The following TMC4 variants were observed in gnomAD, a reference collection of about 807,000 sequenced individuals.
TMC4 encodes the protein voltage-gated chloride channel TMC4.
Under a neutral mutation model 82.0 loss-of-function variants are expected in TMC4, and 70 were observed. The observed-to-expected ratio is 0.85, with a 90% CI of 0.70 to 1.04. The LOEUF is 1.04. Among genes scored for constraint, TMC4 ranks in the 50% least tolerant of loss-of-function variants. The pLI, the probability that TMC4 is intolerant of heterozygous loss-of-function variation, is 0.00. For synonymous variants in TMC4, 446 were observed against 406.0 expected (o/e 1.10, Z -1.18); for missense variants, 879 against 899.0 (o/e 0.98, Z 0.28).
intron 9 of TMC4, 108 bp downstream of exon 9, chr19:54,162,925 C>A: frequency 1.3e-6 from 2 of 1,575,928 alleles, no homozygotes; most frequent in Non-Finnish European, 1.7e-6. Flanking sequence ...GGAGAGTGTT[C>A]CAGCACCCCA....
At chr19:54,164,800 G>A (rs557192946) in intron 6 of TMC4, 199 bp from the exon 7 acceptor site, 29 of 683,472 alleles carry the variant, frequency 4.2e-5, no homozygotes, top group Middle Eastern at 4.0e-4. Context: ...CTTCGCGGCC[G>A]GATCCAGCAA....
Position 54,168,620 on chromosome 19 carries a change from T to C in TMC4, c.503A>G (p.Asn168Ser). The change falls in exon 4 of 15, where the codon AAC (asparagine) becomes AGC (serine). Residue 168 changes from asparagine (N) to serine (S), a missense_variant. By Grantham distance (46) the Asn-to-Ser change is conservative. Transcript: ENST00000619895. Reference sequence around the variant, plus strand: ...GGCCATGAGCACAGAGGCCAGCACGTTAAGAAGGAGCAGGAAGCGCAGCAG... The same window carrying C: ...GGCCATGAGCACAGAGGCCAGCACGCTAAGAAGGAGCAGGAAGCGCAGCAG... The part of the protein sequence containing the change: ...FSLLRFLLLL[N>S]VLASVLMACM... 6.3e-7 allele frequency: 1 copy of C among 1,595,248 alleles called. No individual in the cohort carries two copies. The highest frequency in any genetic ancestry group is 8.5e-7 in the Non-Finnish European group (1 of 1,171,216).
At chr19:54,160,602 G>A in intron 13 of TMC4, 57 bp from the exon 14 acceptor site, 4 of 1,611,746 alleles carry the variant, frequency 2.5e-6, no homozygotes, top group Non-Finnish European at 3.4e-6. Context: ...ATATCCAAAC[G>A]TCTGGCTCCT....
intron 5 of TMC4, among the ~76,000 whole-genome samples, chr19:54,165,926 G>A (rs1259174201): frequency 2.0e-5 from 3 of 152,104 alleles, no homozygotes; most frequent in Admixed American, 6.5e-5. Flanking sequence ...AGGGAGATTC[G>A]GAGAAAGGGA....
rs1450371845 is a variant in TMC4, at chr19:54,165,442, G to A, written c.922C>T (p.Arg308Cys). 5 of 1,609,156 alleles carry A rather than the reference G, an allele frequency of 3.1e-6. No homozygotes were observed. The highest frequency in any genetic ancestry group is 4.2e-6 in the Non-Finnish European group (5 of 1,176,660). The change falls in exon 6 of 15, where the codon CGC (arginine) becomes TGC (cysteine). Residue 308 changes from arginine (R) to cysteine (C), a missense_variant. Transcript: ENST00000619895. ...ACCTTTAATTCGTACAAGATGATGC[G>A]CTGGCGCAGCCGCACGTGGACGTCC... ...CGDVHVRLRQ[R>C]IILYELKVEL...
intron 11 of TMC4, among the ~76,000 whole-genome samples, 198 bp from the exon 12 acceptor site, chr19:54,161,458 C>A (rs1348112908): frequency 6.6e-6 from 1 of 150,442 alleles, no homozygotes. Context: ...AAGCTATTCT[C>A]GTGTCTCAGC....
intron 2 of TMC4, among the ~76,000 whole-genome samples, chr19:54,170,582 A>G (rs1456767721): frequency 6.6e-6 from 1 of 150,804 alleles, no homozygotes; most frequent in Non-Finnish European, 1.5e-5. Context: ...TAGTATTTGC[A>G]TACAGGCTAC....
chr19:54,164,453 C>T lies in TMC4; in HGVS notation c.1094G>A (p.Gly365Glu), dbSNP rs966090584. Residue 365 changes from glycine to glutamate, a missense_variant, in exon 7 of 15, where the codon GGG (glycine) becomes GAG (glutamate). Gly to Glu is a moderately conservative substitution (Grantham distance 98). Coordinates refer to ENST00000619895, the MANE Select transcript of TMC4 (RefSeq NM_144686.4). ...AAFYGVYWAT[G>E]CTVELQEMPL... Reference sequence around the variant, plus strand: ...CCGCACCTGCAGCTCCACGGTGCACCCCGTAGCCCAGTAGACGCCATAGAA... The same window carrying T: ...CCGCACCTGCAGCTCCACGGTGCACTCCGTAGCCCAGTAGACGCCATAGAA... The T allele has an allele frequency of 3.1e-6, 5 of 1,613,342 alleles. No homozygotes were observed. The African/African-American group carries it at 6.7e-5, about 22-fold the overall frequency.
intron 1 of TMC4, 93 bp downstream of exon 1, chr19:54,172,946 C>G: frequency 9.1e-7 from 1 of 1,101,746 alleles, no homozygotes; most frequent in Non-Finnish European, 1.3e-6. Flanking sequence ...AGCCCTCAGA[C>G]TCAGGAGGCC....
chr19:54,164,770 GGCCCTTTACA>G (rs1199076375), intron 6 of TMC4, 169 bp from the exon 7 acceptor site: 21 of 871,580 alleles, frequency 2.4e-5, no homozygotes, highest in Non-Finnish European at 2.9e-5. Context: ...GGAAACCAGC[GGCCCTTTACA>G]GCCCCGCCCC....
intron 10 of TMC4, 106 bp from the exon 11 acceptor site, chr19:54,162,391 G>C: frequency 5.8e-5 from 15 of 260,494 alleles, no homozygotes; most frequent in South Asian, 1.1e-4. Flanking sequence ...ATTGGTGGTG[G>C]GGGGGGGGGG....
chr19:54,160,607 G>C (rs757298979), intron 13 of TMC4, 62 bp from the exon 14 acceptor site: 1 of 1,609,724 alleles, frequency 6.2e-7, no homozygotes, highest in Non-Finnish European at 8.5e-7. Context: ...CAAACGTCTG[G>C]CTCCTTCGAA....
intron 8 of TMC4, 88 bp from the exon 9 acceptor site, chr19:54,163,247 C>T: frequency 6.6e-7 from 1 of 1,517,536 alleles, no homozygotes; most frequent in South Asian, 1.2e-5. Flanking sequence ...CGCATTCAAC[C>T]CATCTCACAG....
chr19:54,164,786 G>A lies in TMC4; in HGVS notation c.946-185C>T, dbSNP rs1456423766. 8 of 747,486 alleles carry A rather than the reference G, an allele frequency of 1.1e-5. No homozygotes were observed. In the Admixed American group the frequency reaches 2.1e-4, roughly 19 times the overall value. 46.3% of individuals were successfully genotyped at this position (747,486 alleles called of 1,614,324 possible). On this transcript the variant is annotated intron_variant, in intron 6 of 14. Coordinates refer to ENST00000619895, the MANE Select transcript of TMC4 (RefSeq NM_144686.4). Reference sequence around the variant, plus strand: ...GAAACCAGCGGCCCTTTACAGCCCCGCCCCTTCGCGGCCGGATCCAGCAAC... The same window carrying A: ...GAAACCAGCGGCCCTTTACAGCCCCACCCCTTCGCGGCCGGATCCAGCAAC...
intron 7 of TMC4, 145 bp from the exon 8 acceptor site, chr19:54,164,032 C>T (rs1251174567): frequency 3.3e-6 from 3 of 921,266 alleles, no homozygotes; most frequent in Non-Finnish European, 3.1e-6. Context: ...TAGAATGCAG[C>T]GGTGCGATCT....
chr19:54,163,301 TTTC>T, intron 8 of TMC4, 142 bp from the exon 9 acceptor site: 3 of 1,026,008 alleles, frequency 2.9e-6, no homozygotes, highest in Non-Finnish European at 4.0e-6. Context: ...TCTTTCTTTC[TTTC>T]TTTCTTTTTT....
intron 6 of TMC4, chr19:54,164,866 G>C (rs2075662350): frequency 1.8e-6 from 1 of 559,690 alleles, no homozygotes; most frequent in African/African-American, 1.9e-5. Context: ...CGCCCCTGAG[G>C]CTCCGCCCAG....
In TMC4 at chr19:54,164,774, C is replaced by G. The variant is rs1600564946; in HGVS notation, c.946-173G>C. 8.5e-6 allele frequency: 7 copies of G among 826,592 alleles called. No homozygotes were observed. In the East Asian group the frequency reaches 1.9e-4, roughly 23 times the overall value. 51.2% of individuals were successfully genotyped at this position (826,592 alleles called of 1,614,324 possible). On this transcript the variant is annotated intron_variant, in intron 6 of 14. Transcript: ENST00000619895. ...CACCTGCTCCAGGAAACCAGCGGCCCTTTACAGCCCCGCCCCTTCGCGGCC... is the reference window on the plus strand; with the variant it reads ...CACCTGCTCCAGGAAACCAGCGGCCGTTTACAGCCCCGCCCCTTCGCGGCC...
chr19:54,171,076 T>C (rs533907219), intron 2 of TMC4, among the ~76,000 whole-genome samples: 2 of 150,472 alleles, frequency 1.3e-5, no homozygotes, highest in Non-Finnish European at 2.9e-5. Context: ...TATATACATA[T>C]ATATGTGTAT....
Sources: gnomAD v4.1 joint callset for allele counts (sites outside exome capture counted in the v4.1 genomes callset) on GRCh38, gnomAD v4.1.1 for gene constraint, MANE v1.5 for transcripts, NCBI Gene and HGNC (gene_info 2026-07-23, HGNC 2026-07-21) for gene names.